Variants in DOK6 observed in about 807,000 individuals in gnomAD.
The protein encoded by DOK6 is downstream of tyrosine kinase 6.
DOK6 carries 22 observed loss-of-function variants against 44.0 expected under a neutral mutation model. That is an observed-to-expected ratio of 0.50 (90% confidence interval 0.36 to 0.71). The LOEUF (loss-of-function observed/expected upper bound fraction) is 0.71, where lower values mean the gene tolerates loss of function less well. Ranked by LOEUF, DOK6 falls within the 30% of genes least tolerant of loss-of-function variation. DOK6 has a pLI of 0.00. For missense variants in DOK6, 340 were observed against 416.4 expected, an observed-to-expected ratio of 0.82 and a Z score of 1.60; for synonymous variants, 166 against 145.5, an observed-to-expected ratio of 1.14 and a Z score of -1.01.
chr18:69,773,603 C>T (rs1388237765), intron 7 of DOK6, among the ~76,000 whole-genome samples: 7 of 151,930 alleles, frequency 4.6e-5, no homozygotes, highest in Non-Finnish European at 8.8e-5. Flanking sequence ...ACAAATATTA[C>T]ATAATTCAAT....
intron 1 of DOK6, among the ~76,000 whole-genome samples, chr18:69,412,281 T>C (rs1045852757): frequency 2.0e-5 from 3 of 152,128 alleles, no homozygotes; most frequent in Admixed American, 2.0e-4. Context: ...GCTATGGCTT[T>C]TCCTTCATTG....
intron 7 of DOK6, among the ~76,000 whole-genome samples, chr18:69,775,320 G>T (rs1421183640): frequency 6.6e-6 from 1 of 151,890 alleles, no homozygotes; most frequent in Non-Finnish European, 1.5e-5. Flanking sequence ...AAGAAGTAAA[G>T]ATACTGTTAA....
At chr18:69,424,946 G>A (rs554688946) in intron 1 of DOK6, among the ~76,000 whole-genome samples, 97 of 152,262 alleles carry the variant, frequency 6.4e-4, no homozygotes, top group Non-Finnish European at 9.1e-4. Flanking sequence ...GGACAAAGGC[G>A]TAGGGGTCTC....
chr18:69,774,392 A>C (rs1038382571), intron 7 of DOK6, among the ~76,000 whole-genome samples: 3 of 151,630 alleles, frequency 2.0e-5, no homozygotes, highest in Non-Finnish European at 2.9e-5. Flanking sequence ...AAAGGACTAC[A>C]AATTGGGTTC....
chr18:69,633,970 T>C (rs1364350528), intron 3 of DOK6, among the ~76,000 whole-genome samples: 1 of 151,964 alleles, frequency 6.6e-6, no homozygotes, highest in Non-Finnish European at 1.5e-5. Flanking sequence ...ATATTGAAAG[T>C]CTTATAAGAA....
intron 7 of DOK6, among the ~76,000 whole-genome samples, chr18:69,765,907 T>G (rs969811936): frequency 1.3e-5 from 2 of 152,142 alleles, no homozygotes; most frequent in African/African-American, 4.8e-5. Flanking sequence ...TAACTATTAT[T>G]AATATATTAA....
intron 1 of DOK6, among the ~76,000 whole-genome samples, chr18:69,503,732 A>T (rs1174765164): frequency 1.3e-5 from 2 of 151,964 alleles, no homozygotes; most frequent in African/African-American, 4.8e-5. Flanking sequence ...TGAAGAAAAA[A>T]TTTTAATTCC....
At chr18:69,621,778 C>T (rs1984448726) in intron 3 of DOK6, among the ~76,000 whole-genome samples, 1 of 152,080 alleles carries the variant, frequency 6.6e-6, no homozygotes, top group African/African-American at 2.4e-5. Flanking sequence ...TATTTGGATA[C>T]CTTTCTTTTG....
chr18:69,613,559 G>T (rs1758590201), intron 3 of DOK6, among the ~76,000 whole-genome samples: 2 of 152,052 alleles, frequency 1.3e-5, no homozygotes, highest in Non-Finnish European at 2.9e-5. Context: ...TTAATACTTT[G>T]TCATTCCTTT....
chr18:69,680,012 C>T (rs1986010212), intron 4 of DOK6, among the ~76,000 whole-genome samples: 1 of 152,010 alleles, frequency 6.6e-6, no homozygotes, highest in African/African-American at 2.4e-5. Context: ...CCTGTGTATA[C>T]TTTACAGTGG....
intron 4 of DOK6, among the ~76,000 whole-genome samples, chr18:69,696,379 A>C (rs1986390022): frequency 6.6e-6 from 1 of 152,212 alleles, no homozygotes; most frequent in Admixed American, 6.5e-5. Context: ...TATGGGCATG[A>C]ACATCAAGGG....
intron 1 of DOK6, among the ~76,000 whole-genome samples, chr18:69,537,154 C>T (rs1439389994): frequency 2.6e-5 from 4 of 151,946 alleles, no homozygotes; most frequent in Non-Finnish European, 4.4e-5. Context: ...AGTTTTAAAC[C>T]CTATTCAAGT....
chr18:69,764,469 G>A (rs1172767577), intron 7 of DOK6, among the ~76,000 whole-genome samples: 1 of 152,162 alleles, frequency 6.6e-6, no homozygotes, highest in Non-Finnish European at 1.5e-5. Context: ...TGCTCTCCTT[G>A]TGATAGTGAG....
intron 7 of DOK6, among the ~76,000 whole-genome samples, chr18:69,758,836 A>C (rs1327930553): frequency 6.6e-6 from 1 of 152,216 alleles, no homozygotes; most frequent in Non-Finnish European, 1.5e-5. Context: ...GCTTTTGCTC[A>C]CTATTAACAA....
chr18:69,574,798 GA>G (rs569941708), intron 2 of DOK6, among the ~76,000 whole-genome samples: 1 of 151,972 alleles, frequency 6.6e-6, no homozygotes, highest in African/African-American at 2.4e-5. Context: ...AGGTATTTCA[GA>G]AAAAAATCCA....
intron 5 of DOK6, among the ~76,000 whole-genome samples, chr18:69,719,960 C>T (rs1483838700): frequency 2.0e-5 from 3 of 152,158 alleles, no homozygotes; most frequent in Admixed American, 6.5e-5. Context: ...GAAGCCAAGG[C>T]AGGCAGATCA....
chr18:69,841,264 A>G lies in DOK6; in HGVS notation c.877A>G (p.Lys293Glu). 1.2e-6 allele frequency: 2 copies of G among 1,614,198 alleles called. No homozygotes were observed. Among genetic ancestry groups the G allele is most frequent in the Non-Finnish European group, 1.7e-6 (2 of 1,180,026 alleles). ...SLQGHGFGSS[K>E]MSRAQTFPSY... ...TCTAGGTCATGGGTTTGGTTCGTCA[A>G]AGATGTCTCGTGCACAGACATTTCC... Residue 293 changes from lysine to glutamate, a missense_variant, in exon 8 of 8, where the codon AAG becomes GAG. By Grantham distance (56) the Lys-to-Glu change is moderately conservative (BLOSUM62 1). Transcript: ENST00000382713.
At chr18:69,594,099 C>T (rs1157299913) in intron 2 of DOK6, among the ~76,000 whole-genome samples, 2 of 151,986 alleles carry the variant, frequency 1.3e-5, no homozygotes, top group South Asian at 2.1e-4. Context: ...GCTTAAAATA[C>T]AACCCGTGAA....
rs1745674530 is a variant in DOK6, at chr18:69,591,053, C to T, written c.175-8331C>T. Among the ~76,000 whole-genome samples, 4 of 152,062 alleles carry T rather than the reference C, an allele frequency of 2.6e-5. No individual in the cohort carries two copies. The South Asian group carries it at 8.3e-4, about 32-fold the overall frequency. On this transcript the variant is annotated intron_variant, in intron 2 of 7. Transcript: ENST00000382713. ...TTAAAACTATAACATCCATCAAGGCCGTGGCTCCAAACAATAGTAGCAGTT... is the reference window on the plus strand; with the variant it reads ...TTAAAACTATAACATCCATCAAGGCTGTGGCTCCAAACAATAGTAGCAGTT...
Sources: allele counts gnomAD v4.1 joint callset (sites outside exome capture counted in the v4.1 genomes callset), GRCh38; gene constraint gnomAD v4.1.1; transcripts MANE v1.5; gene names NCBI Gene and HGNC (gene_info 2026-07-23, HGNC 2026-07-21).